Variants in BCL2L2 observed in about 807,000 individuals in gnomAD.
BCL2L2 encodes BCL2 like 2.
In BCL2L2, 6 loss-of-function variants were observed where a neutral mutation model predicts 14.6. That is an observed-to-expected ratio of 0.41 (90% confidence interval 0.22 to 0.81). The LOEUF (loss-of-function observed/expected upper bound fraction) is 0.81, where lower values mean the gene tolerates loss of function less well. Among genes scored for constraint, BCL2L2 ranks in the 30% least tolerant of loss-of-function variants. The pLI is 0.32. For synonymous variants in BCL2L2, 90 were observed against 108.5 expected (o/e 0.83, Z 1.06); for missense variants, 191 against 260.5 (o/e 0.73, Z 1.84).
Position 23,310,007 on chromosome 14 carries a change from C to A in BCL2L2, c.*1042C>A, listed in dbSNP as rs1273515535. On this transcript the variant is annotated 3_prime_UTR_variant, in exon 4 of 4. Transcript: ENST00000250405. ...CTGTGTCTCAGTGAGACTGTTGATG[C>A]CTTGAGATGACCATTTCAGATCTGA... 3 of 985,316 alleles carry A rather than the reference C, an allele frequency of 3.0e-6. No homozygotes were observed. In the African/African-American group the frequency reaches 5.2e-5, roughly 17 times the overall value. The allele number at this position is 985,316 out of a possible 1,614,324, so 61.0% of individuals were successfully genotyped here.
In BCL2L2 at chr14:23,311,041, CT is replaced by C. The variant is rs1220572422; in HGVS notation, c.*2079del. 7.8e-7 allele frequency: 1 copy of C among 1,289,414 alleles called. No homozygotes were observed. The highest frequency in any genetic ancestry group is 2.3e-5 in the Admixed American group (1 of 43,534). 79.9% of individuals were successfully genotyped at this position (1,289,414 alleles called of 1,614,324 possible). A position where few individuals can be genotyped will look rare whatever the true frequency, so the allele number is the denominator to read the frequency against. On this transcript the variant is annotated 3_prime_UTR_variant, in exon 4 of 4. Coordinates refer to ENST00000250405, the MANE Select transcript of BCL2L2 (RefSeq NM_004050.5). Reference sequence around the variant, plus strand: ...TATCCCTGTTAGCATTCCCCGGGACCTTTAGCCAAGAGGAGCTGCAGGGACC... The same window carrying C: ...TATCCCTGTTAGCATTCCCCGGGACCTTAGCCAAGAGGAGCTGCAGGGACC...
chr14:23,310,811 G>A lies in BCL2L2; in HGVS notation c.*1846G>A. 3 of 1,205,276 alleles carry A rather than the reference G, an allele frequency of 2.5e-6. No individual in the cohort carries two copies. Among genetic ancestry groups the A allele is most frequent in the Non-Finnish European group, 3.2e-6 (3 of 937,820 alleles). 74.7% of individuals were successfully genotyped at this position (1,205,276 alleles called of 1,614,324 possible). ...GGGGGTGGGGAGCTGAGCAGGCTGGGCAATTTGCCCTCAAACAGAACAGCT... is the reference window on the plus strand; with the variant it reads ...GGGGGTGGGGAGCTGAGCAGGCTGGACAATTTGCCCTCAAACAGAACAGCT... On this transcript the variant is annotated 3_prime_UTR_variant, in exon 4 of 4. Transcript: ENST00000250405.
At chr14:23,306,946 G>C (rs1372716045) in intron 1 of BCL2L2, 52 bp downstream of exon 1, 1 of 152,692 alleles carries the variant, frequency 6.5e-6, no homozygotes, top group East Asian at 1.9e-4. Flanking sequence ...GCTGAGGTGG[G>C]GGTAAGGGAG....
Position 23,311,404 on chromosome 14 carries a change from T to G in BCL2L2, c.*2439T>G. ...AATGTAATTGCCATTTTTCAAAGATTAAGTAGGAGGAGAGGGGTTTCTTGC... is the reference window on the plus strand; with the variant it reads ...AATGTAATTGCCATTTTTCAAAGATGAAGTAGGAGGAGAGGGGTTTCTTGC... On this transcript the variant is annotated 3_prime_UTR_variant, in exon 4 of 4. Transcript: ENST00000250405. 1 of 1,089,358 alleles carries G rather than the reference T, an allele frequency of 9.2e-7. No individual in the cohort carries two copies. Among genetic ancestry groups the G allele is most frequent in the Non-Finnish European group, 1.1e-6 (1 of 893,044 alleles). The allele number at this position is 1,089,358 out of a possible 1,614,324, so 67.5% of individuals were successfully genotyped here.
chr14:23,309,159 G>A lies in BCL2L2; in HGVS notation c.*194G>A. ...AAGAGTGAGCAGGACACAGAGGGGA[G>A]GGGAATGTTTTGGCAAGTTTAGGGG... On this transcript the variant is annotated 3_prime_UTR_variant, in exon 4 of 4. Coordinates refer to ENST00000250405, the MANE Select transcript of BCL2L2 (RefSeq NM_004050.5). The A allele has an allele frequency of 8.1e-7, 1 of 1,236,654 alleles. No homozygotes were observed. Among genetic ancestry groups the A allele is most frequent in the Non-Finnish European group, 1.0e-6 (1 of 987,038 alleles). The allele number at this position is 1,236,654 out of a possible 1,614,324, so 76.6% of individuals were successfully genotyped here. A position where few individuals can be genotyped will look rare whatever the true frequency, so the allele number is the denominator to read the frequency against.
At position 23,311,115 on chromosome 14, in the gene BCL2L2, T is replaced by G. The variant is rs1887589286; in HGVS notation, c.*2150T>G. On this transcript the variant is annotated 3_prime_UTR_variant, in exon 4 of 4. Transcript: ENST00000250405. ...CTGCTCTGAAGCCTTGACACCTGGG[T>G]GGAAAGAGAGGCTGTTTTCTGAAAG... 7.8e-7 allele frequency: 1 copy of G among 1,288,656 alleles called. No homozygotes were observed. The allele number at this position is 1,288,656 out of a possible 1,614,324, so 79.8% of individuals were successfully genotyped here.
In BCL2L2 at chr14:23,311,442, A is replaced by T; in HGVS notation, c.*2477A>T. The T allele has an allele frequency of 9.4e-7, 1 of 1,059,760 alleles. No homozygotes were observed. Among genetic ancestry groups the T allele is most frequent in the Non-Finnish European group, 1.1e-6 (1 of 876,126 alleles). The allele number at this position is 1,059,760 out of a possible 1,614,324, so 65.6% of individuals were successfully genotyped here. On this transcript the variant is annotated 3_prime_UTR_variant, in exon 4 of 4. Transcript: ENST00000250405. ...AGGGGTTTCTTGCTCTCCAGAGCCC[A>T]AAGGGACAAATAGGGACTTTGTTTA...
At position 23,311,716 on chromosome 14, in the gene BCL2L2, A is replaced by G. The variant is rs747178640; in HGVS notation, c.*2751A>G. The G allele has an allele frequency of 3.5e-5, 33 of 954,086 alleles. No homozygotes were observed. Among genetic ancestry groups the G allele is most frequent in the Non-Finnish European group, 3.7e-5 (30 of 801,622 alleles). The allele number at this position is 954,086 out of a possible 1,614,324, so 59.1% of individuals were successfully genotyped here. A position where few individuals can be genotyped will look rare whatever the true frequency, so the allele number is the denominator to read the frequency against. ...TTGTGTAATATGTAATGATCGTATT[A>G]AAAACAATAAATAAAGCCCAGAAGT... On this transcript the variant is annotated 3_prime_UTR_variant, in exon 4 of 4. Transcript: ENST00000250405.
In BCL2L2 at chr14:23,307,889, C is replaced by T. The variant is rs372286720; in HGVS notation, c.122C>T (p.Pro41Leu). 9 of 1,613,042 alleles carry T rather than the reference C, an allele frequency of 5.6e-6. No individual in the cohort carries two copies. Among genetic ancestry groups the T allele is most frequent in the African/African-American group, 1.3e-5 (1 of 74,894 alleles). The change falls in exon 3 of 4, where the codon CCG becomes CTG. Residue 41 changes from proline to leucine, a missense_variant. Transcript: ENST00000250405. ...CCCGGGGAGGGCCCAGCAGCTGACC[C>T]GCTGCACCAAGCCATGCGGGCAGCT... ...AGPGEGPAAD[P>L]LHQAMRAAGD...
chr14:23,308,976 C>A lies in BCL2L2; in HGVS notation c.*11C>A. ...TTTGCTAGCAAGTGAAAGTCCAGGG[C>A]CAGGTGGGGCTAGGTGTGGCTGGGG... On this transcript the variant is annotated 3_prime_UTR_variant, in exon 4 of 4. Coordinates refer to ENST00000250405, the MANE Select transcript of BCL2L2 (RefSeq NM_004050.5). This position sits in a 1 kb window ranked among gnomAD's most constrained non-coding sequence, Gnocchi z 5.4. 7.6e-7 allele frequency: 1 copy of A among 1,323,454 alleles called. No homozygotes were observed. Among genetic ancestry groups the A allele is most frequent in the Non-Finnish European group, 9.7e-7 (1 of 1,028,046 alleles). The allele number at this position is 1,323,454 out of a possible 1,614,324, so 82.0% of individuals were successfully genotyped here.
chr14:23,307,520 C>T (rs757345509), intron 2 of BCL2L2, among the ~76,000 whole-genome samples: 16 of 152,170 alleles, frequency 1.1e-4, no homozygotes, highest in Non-Finnish European at 1.9e-4. Flanking sequence ...TCTAAAGTAT[C>T]CTAAACAGAA....
At position 23,308,267 on chromosome 14, in the gene BCL2L2, G is replaced by A. The variant is rs888172201; in HGVS notation, c.432+68G>A. The A allele has an allele frequency of 2.0e-6, 3 of 1,489,330 alleles. No homozygotes were observed. The highest frequency in any genetic ancestry group is 1.4e-5 in the African/African-American group (1 of 71,076). 92.3% of individuals were successfully genotyped at this position (1,489,330 alleles called of 1,614,324 possible). On this transcript the variant is annotated intron_variant, in intron 3 of 3. Coordinates refer to ENST00000250405, the MANE Select transcript of BCL2L2 (RefSeq NM_004050.5). The surrounding 1 kb of genome is among the most constrained non-coding windows in gnomAD (Gnocchi z 5.4). ...AGCTGGTCTCCAGGGGGAAGATGGG[G>A]GCTCTGATTGGAGGCTGAGGCAGCT... is the stretch of plus-strand genomic sequence containing the variant.
chr14:23,309,358 T>C lies in BCL2L2; in HGVS notation c.*393T>C. On this transcript the variant is annotated 3_prime_UTR_variant, in exon 4 of 4. Transcript: ENST00000250405. ...TTAGGGAACGCAGAAGGCACATCCC[T>C]TTGGAATGGAAGCTTAGGGGTTCTC... 9.9e-7 allele frequency: 1 copy of C among 1,012,454 alleles called. No individual in the cohort carries two copies. The allele number at this position is 1,012,454 out of a possible 1,614,324, so 62.7% of individuals were successfully genotyped here.
At position 23,309,717 on chromosome 14, in the gene BCL2L2, C is replaced by A; in HGVS notation, c.*752C>A. 1.0e-6 allele frequency: 1 copy of A among 985,622 alleles called. No homozygotes were observed. The highest frequency in any genetic ancestry group is 1.2e-6 in the Non-Finnish European group (1 of 830,060). 61.1% of individuals were successfully genotyped at this position (985,622 alleles called of 1,614,324 possible). ...GCAGCTGGCCTTGTTCCTTCATCAT[C>A]CCCCTTCCTTGTGCATTATGCACTT... is the stretch of plus-strand genomic sequence containing the variant. On this transcript the variant is annotated 3_prime_UTR_variant, in exon 4 of 4. Coordinates refer to ENST00000250405, the MANE Select transcript of BCL2L2 (RefSeq NM_004050.5).
rs773144952 is a variant in BCL2L2 at position 23,307,867 on chromosome 14, G to A, written c.100G>A (p.Gly34Arg). Residue 34 changes from glycine (G) to arginine (R), a missense_variant, in exon 3 of 4, where the codon GGG becomes AGG. By Grantham distance (125) the Gly-to-Arg change is moderately radical (BLOSUM62 -2). Transcript: ENST00000250405. ...QKGYVCGAGP[G>R]EGPAADPLHQ... is the part of the protein sequence containing the mutation. The stretch of plus-strand genomic sequence containing the variant: ...GGGTTATGTCTGTGGAGCTGGCCCC[G>A]GGGAGGGCCCAGCAGCTGACCCGCT... 8.1e-6 allele frequency: 13 copies of A among 1,611,184 alleles called. No homozygotes were observed. The highest frequency in any genetic ancestry group is 4.4e-5 in the South Asian group (4 of 90,770).
At position 23,311,654 on chromosome 14, in the gene BCL2L2, A is replaced by G. The variant is rs1887622990; in HGVS notation, c.*2689A>G. On this transcript the variant is annotated 3_prime_UTR_variant, in exon 4 of 4. Coordinates refer to ENST00000250405, the MANE Select transcript of BCL2L2 (RefSeq NM_004050.5). Reference sequence around the variant, plus strand: ...ATCTATATTCCTGTATTTTTATTTAATAATTTATAAATACCAAGTTCATTT... The same window carrying G: ...ATCTATATTCCTGTATTTTTATTTAGTAATTTATAAATACCAAGTTCATTT... 1 of 922,140 alleles carries G rather than the reference A, an allele frequency of 1.1e-6. No homozygotes were observed. Among genetic ancestry groups the G allele is most frequent in the East Asian group, 1.2e-4 (1 of 8,518 alleles). The allele number at this position is 922,140 out of a possible 1,614,324, so 57.1% of individuals were successfully genotyped here. A position where few individuals can be genotyped will look rare whatever the true frequency, so the allele number is the denominator to read the frequency against.
chr14:23,308,257 G>T lies in BCL2L2; in HGVS notation c.432+58G>T, dbSNP rs1044471192. The stretch of plus-strand genomic sequence containing the variant: ...CCTTCTGCAAAGCTGGTCTCCAGGG[G>T]GAAGATGGGGGCTCTGATTGGAGGC... On this transcript the variant is annotated intron_variant, in intron 3 of 3. Coordinates refer to ENST00000250405, the MANE Select transcript of BCL2L2 (RefSeq NM_004050.5). The surrounding 1 kb of genome is among the most constrained non-coding windows in gnomAD (Gnocchi z 5.4). 4.6e-6 allele frequency: 7 copies of T among 1,507,388 alleles called. No homozygotes were observed. In the Admixed American group the frequency reaches 1.6e-4, roughly 35 times the overall value. 93.4% of individuals were successfully genotyped at this position (1,507,388 alleles called of 1,614,324 possible).
rs1046197592 is a variant in BCL2L2 at position 23,309,507 on chromosome 14, A to G, written c.*542A>G. 3.0e-6 allele frequency: 3 copies of G among 985,852 alleles called. No homozygotes were observed. In the African/African-American group the frequency reaches 5.2e-5, roughly 17 times the overall value. 61.1% of individuals were successfully genotyped at this position (985,852 alleles called of 1,614,324 possible). On this transcript the variant is annotated 3_prime_UTR_variant, in exon 4 of 4. Transcript: ENST00000250405. ...GGTGGTGATGGGATTCCTCAAGGAG[A>G]AAACATTCCCTCTTGCAATGGCAAG...
rs1200279365 is a variant in BCL2L2 at position 23,311,660 on chromosome 14, T to C, written c.*2695T>C. On this transcript the variant is annotated 3_prime_UTR_variant, in exon 4 of 4. Coordinates refer to ENST00000250405, the MANE Select transcript of BCL2L2 (RefSeq NM_004050.5). The stretch of plus-strand genomic sequence containing the variant: ...ATTCCTGTATTTTTATTTAATAATT[T>C]ATAAATACCAAGTTCATTTGACTTT... The C allele has an allele frequency of 5.4e-6, 5 of 922,928 alleles. No individual in the cohort carries two copies. The highest frequency in any genetic ancestry group is 6.5e-6 in the Non-Finnish European group (5 of 773,278). The allele number at this position is 922,928 out of a possible 1,614,324, so 57.2% of individuals were successfully genotyped here. A position where few individuals can be genotyped will look rare whatever the true frequency, so the allele number is the denominator to read the frequency against.
Sources: allele counts gnomAD v4.1 joint callset (sites outside exome capture counted in the v4.1 genomes callset), GRCh38; gene constraint gnomAD v4.1.1; non-coding constraint Gnocchi (gnomAD v3.1); transcripts MANE v1.5; gene names NCBI Gene and HGNC (gene_info 2026-07-23, HGNC 2026-07-21).